MED23: variants seen among roughly 807,000 people sequenced by gnomAD.
MED23 encodes mediator of RNA polymerase II transcription subunit 23.
MED23 carries 105 observed loss-of-function variants against 163.9 expected under a neutral mutation model. The observed-to-expected ratio is 0.64, with a 90% CI of 0.55 to 0.75. MED23 has a LOEUF of 0.75. Ranked by LOEUF, MED23 falls within the 30% of genes least tolerant of loss-of-function variation. MED23 has a pLI of 0.00. For synonymous variants in MED23, 561 were observed against 565.6 expected (o/e 0.99, Z 0.12); for missense variants, 1,054 against 1,649.0 (o/e 0.64, Z 6.25).
rs752660899 is a variant in MED23 at position 131,606,469 on chromosome 6, A to G, written c.1367+10T>C. ...CAAGAAAATTAAGTATCAAGCAACA[A>G]ATAACTTACTCATGGTGAAGTCTTA... On this transcript the variant is annotated intron_variant, in intron 13 of 28. Transcript: ENST00000368068. 6.2e-7 allele frequency: 1 copy of G among 1,612,042 alleles called. No homozygotes were observed. The highest frequency in any genetic ancestry group is 8.5e-7 in the Non-Finnish European group (1 of 1,178,506).
intron 9 of MED23, among the ~76,000 whole-genome samples, chr6:131,616,917 C>T (rs1307842894): frequency 1.3e-5 from 2 of 152,018 alleles, no homozygotes; most frequent in African/African-American, 2.4e-5. Flanking sequence ...AATATTTATT[C>T]AATGTCTTGA....
chr6:131,628,016 C>T lies in MED23; in HGVS notation c.34G>A (p.Val12Met). Residue 12 changes from valine to methionine, a missense_variant, in exon 1 of 29, where the codon GTG (valine) becomes ATG (methionine). Val to Met is a conservative substitution (Grantham distance 21). Transcript: ENST00000368068. ...TGGCCGGCAGCTGCACTCACCACCA[C>T]CTCTTCGAAAATGCTCTGCAGTTGC... ...ETQLQSIFEE[V>M]VKTEVIEEAF... The T allele has an allele frequency of 6.2e-7, 1 of 1,614,094 alleles. No homozygotes were observed. The highest frequency in any genetic ancestry group is 1.1e-5 in the South Asian group (1 of 91,082).
At chr6:131,612,849 T>A (rs1456471296) in intron 10 of MED23, among the ~76,000 whole-genome samples, 2 of 152,136 alleles carry the variant, frequency 1.3e-5, no homozygotes, top group Non-Finnish European at 2.9e-5. Context: ...ATGTCGCTTT[T>A]CAGTCTTAGC....
At chr6:131,628,249 G>A (rs1057466060), upstream of MED23, 4 of 613,216 alleles carry the variant, frequency 6.5e-6, no homozygotes, top group Admixed American at 8.2e-5. Context: ...AGACGGGAAG[G>A]GCCCGGTACG....
chr6:131,611,520 T>A (rs1776273911), intron 10 of MED23, among the ~76,000 whole-genome samples: 1 of 152,160 alleles, frequency 6.6e-6, no homozygotes, highest in Non-Finnish European at 1.5e-5. Context: ...AATGTAATTA[T>A]CATTATGAAG....
At chr6:131,597,475 C>CA (rs59083644) in intron 20 of MED23, among the ~76,000 whole-genome samples, 5,130 of 53,510 alleles carry the variant, frequency 0.096, 716 homozygotes, top group African/African-American at 0.3. Flanking sequence ...GACTCCATAT[C>CA]AAAAAAAAAA....
intron 23 of MED23, among the ~76,000 whole-genome samples, chr6:131,593,862 A>T (rs1303651027): frequency 1.3e-5 from 2 of 152,052 alleles, no homozygotes; most frequent in Non-Finnish European, 2.9e-5. Context: ...TTTAAATATA[A>T]TTTTTTTACC....
At position 131,624,849 on chromosome 6, in the gene MED23, T is replaced by C. The variant is rs1040771287; in HGVS notation, c.284+16A>G. The C allele has an allele frequency of 3.1e-6, 5 of 1,613,406 alleles. No individual in the cohort carries two copies. The highest frequency in any genetic ancestry group is 4.2e-6 in the Non-Finnish European group (5 of 1,179,792). ...AAAAGAAAATTCTTCAGATTGCTCA[T>C]ACCCATTAAACGTACCTGGGTGGAA... is the stretch of plus-strand genomic sequence containing the variant. On this transcript the variant is annotated intron_variant, in intron 4 of 28. Coordinates refer to ENST00000368068, the MANE Select transcript of MED23 (RefSeq NM_004830.4).
Position 131,627,657 on chromosome 6 carries a change from C to T in MED23, c.55G>A (p.Glu19Lys), listed in dbSNP as rs1777610155. 3 of 1,571,192 alleles carry T rather than the reference C, an allele frequency of 1.9e-6. No individual in the cohort carries two copies. The highest frequency in any genetic ancestry group is 1.4e-5 in the African/African-American group (1 of 71,434). The change falls in exon 2 of 29, where the codon GAA (glutamate) becomes AAA (lysine). Residue 19 changes from glutamate (E) to lysine (K), a missense_variant. Glu to Lys is a moderately conservative substitution (Grantham distance 56, BLOSUM62 1). Around this residue, in one of 11 missense-constraint regions of MED23, gnomAD observed 227 missense variants for 235.5 expected, o/e 0.96. Transcript: ENST00000368068. Reference protein sequence around the residue: ...FEEVVKTEVIEEAFPGMFMDT... With the variant: ...FEEVVKTEVIKEAFPGMFMDT... ...TACACTCACCCAGGAAAAGCCTCTT[C>T]TATAACTTCCGTTTTCTGTAAAAAA... is the stretch of plus-strand genomic sequence containing the variant.
chr6:131,588,125 C>A lies in MED23; in HGVS notation c.3940-279G>T, dbSNP rs201647089. On this transcript the variant is annotated intron_variant, in intron 28 of 28. Transcript: ENST00000368068. ...ATATTCATATATATGCATATACTTA[C>A]AAAGGCGTATCCACTCATCTAGCTA... Among the ~76,000 whole-genome samples, 11 of 152,176 alleles carry A rather than the reference C, an allele frequency of 7.2e-5. No individual in the cohort carries two copies. In the East Asian group the frequency reaches 2.1e-3, roughly 29 times the overall value.
rs1774740801 is a variant in MED23 at position 131,592,779 on chromosome 6, A to G, written c.3398+227T>C. 6 of 610,320 alleles carry G rather than the reference A, an allele frequency of 9.8e-6. No homozygotes were observed. The South Asian group carries it at 1.0e-4, about 10-fold the overall frequency. 37.8% of individuals were successfully genotyped at this position (610,320 alleles called of 1,614,324 possible). On this transcript the variant is annotated intron_variant, in intron 24 of 28. Transcript: ENST00000368068. ...AACATTATTCCTATATTAAATGTCA[A>G]ACTGCTATTAATGAGTAGAAGTAGG... is the stretch of plus-strand genomic sequence containing the variant.
In MED23 at chr6:131,619,813, A is replaced by T; in HGVS notation, c.667+14T>A. ...ATCAGGTACTATTTGGCATATTTAA[A>T]ATTATAATCCTACCACAAATGGAGT... On this transcript the variant is annotated intron_variant, in intron 8 of 28. Transcript: ENST00000368068. 1 of 1,587,326 alleles carries T rather than the reference A, an allele frequency of 6.3e-7. No homozygotes were observed. The highest frequency in any genetic ancestry group is 8.6e-7 in the Non-Finnish European group (1 of 1,156,390).
At position 131,598,641 on chromosome 6, in the gene MED23, A is replaced by T. The variant is rs1226966833; in HGVS notation, c.2341T>A (p.Ser781Thr). The T allele has an allele frequency of 2.5e-6, 4 of 1,614,198 alleles. No homozygotes were observed. The highest frequency in any genetic ancestry group is 3.4e-6 in the Non-Finnish European group (4 of 1,180,032). The change falls in exon 19 of 29, where the codon TCT (serine) becomes ACT (threonine). Residue 781 changes from serine (S) to threonine (T), a missense_variant. Coordinates refer to ENST00000368068, the MANE Select transcript of MED23 (RefSeq NM_004830.4). This position sits in a 1 kb window ranked among gnomAD's most constrained non-coding sequence, Gnocchi z 4.7. Reference sequence around the variant, plus strand: ...AAGAGAGGAGGGGAGCCCTGCATAGAGAAGTGGGTAATAATGTCGTTTTCG... The same window carrying T: ...AAGAGAGGAGGGGAGCCCTGCATAGTGAAGTGGGTAATAATGTCGTTTTCG... ...SNENDIITHF[S>T]MQGSPPLFLC...
downstream of MED23, chr6:131,584,146 G>A: frequency 1.9e-6 from 1 of 515,582 alleles, no homozygotes; most frequent in Middle Eastern, 5.4e-4. Context: ...CTTAGAAAGA[G>A]AAGTGTACAT....
At chr6:131,578,034 A>C (rs1432864638) in intron 30 of MED23, among the ~76,000 whole-genome samples, 1 of 152,176 alleles carries the variant, frequency 6.6e-6, no homozygotes, top group African/African-American at 2.4e-5. Context: ...CTGGAAAGAC[A>C]AAAGCATAGC....
At chr6:131,616,139 C>A in intron 9 of MED23, 137 bp from the exon 10 acceptor site, 1 of 725,082 alleles carries the variant, frequency 1.4e-6, no homozygotes, top group Non-Finnish European at 2.4e-6. Context: ...GGAAAAAAAT[C>A]ATAGGATTTT....
rs921200675 is a variant in MED23, at chr6:131,600,246, T to C, written c.2096-84A>G. 58 of 1,340,598 alleles carry C rather than the reference T, an allele frequency of 4.3e-5. No homozygotes were observed. The South Asian group carries it at 5.4e-4, about 13-fold the overall frequency. The allele number at this position is 1,340,598 out of a possible 1,614,324, so 83.0% of individuals were successfully genotyped here. ...AAGATTATAGCGAAAATAATAATTATGTACACTGAGAATTTCACTGCAGTG... is the reference window on the plus strand; with the variant it reads ...AAGATTATAGCGAAAATAATAATTACGTACACTGAGAATTTCACTGCAGTG... On this transcript the variant is annotated intron_variant, in intron 17 of 28. Coordinates refer to ENST00000368068, the MANE Select transcript of MED23 (RefSeq NM_004830.4).
chr6:131,592,822 GGATCCTGTCCAGGGC>G, intron 24 of MED23, 169 bp downstream of exon 24: 1 of 703,556 alleles, frequency 1.4e-6, no homozygotes, highest in Non-Finnish European at 2.4e-6. Flanking sequence ...CCGGATCTTA[GGATCCTGTCCAGGGC>G]TCATTCCATA....
intron 28 of MED23, among the ~76,000 whole-genome samples, chr6:131,589,190 A>T (rs903250789): frequency 1.3e-5 from 2 of 152,168 alleles, no homozygotes; most frequent in African/African-American, 4.8e-5. Flanking sequence ...CCCTAATGAG[A>T]TTACTATTAA....
Sources: allele counts gnomAD v4.1 joint callset (sites outside exome capture counted in the v4.1 genomes callset), GRCh38; gene constraint gnomAD v4.1.1; regional missense constraint gnomAD v4.1.1; non-coding constraint Gnocchi (gnomAD v3.1); transcripts MANE v1.5; gene names NCBI Gene and HGNC (gene_info 2026-07-23, HGNC 2026-07-21).